ARHGAP15: variants seen among roughly 807,000 people sequenced by gnomAD.
The protein encoded by ARHGAP15 is Rho GTPase activating protein 15.
A neutral mutation model predicts 63.7 loss-of-function variants in ARHGAP15; 51 were observed. That is an observed-to-expected ratio of 0.80 (90% CI 0.64 to 1.01). The LOEUF (loss-of-function observed/expected upper bound fraction) is 1.01. ARHGAP15 is among the 50% of genes least tolerant of loss of function. ARHGAP15 has a pLI of 0.00. For missense variants in ARHGAP15, 560 were observed against 564.6 expected (o/e 0.99, Z 0.08); for synonymous variants, 191 against 193.8 (o/e 0.99, Z 0.12).
At chr2:143,291,382 T>A (rs1393695220) in intron 6 of ARHGAP15, among the ~76,000 whole-genome samples, 3 of 151,848 alleles carry the variant, frequency 2.0e-5, no homozygotes, top group African/African-American at 7.3e-5. Context: ...CAAACACAGT[T>A]TCTCTCCCTC....
chr2:143,441,625 T>C (rs1441268004), intron 8 of ARHGAP15, among the ~76,000 whole-genome samples: 3 of 152,230 alleles, frequency 2.0e-5, no homozygotes, highest in Admixed American at 2.0e-4. Context: ...TATGCTTTAG[T>C]AGTAATATAT....
At chr2:143,653,718 C>T (rs573363725) in intron 12 of ARHGAP15, among the ~76,000 whole-genome samples, 4 of 152,110 alleles carry the variant, frequency 2.6e-5, no homozygotes, top group Admixed American at 6.5e-5. Flanking sequence ...CATACTGGGT[C>T]GGCATTCCTT....
At chr2:143,490,032 C>T (rs1456468664) in intron 9 of ARHGAP15, among the ~76,000 whole-genome samples, 1 of 152,200 alleles carries the variant, frequency 6.6e-6, no homozygotes, top group African/African-American at 2.4e-5. Context: ...TGGAGTCTCG[C>T]TCTGTCGCCC....
chr2:143,133,976 A>G (rs1689012868), intron 1 of ARHGAP15, among the ~76,000 whole-genome samples: 1 of 152,160 alleles, frequency 6.6e-6, no homozygotes, highest in African/African-American at 2.4e-5. Flanking sequence ...TCTCTTTTTT[A>G]CAGCTGTATA....
At chr2:143,318,693 C>T (rs1009510118) in intron 6 of ARHGAP15, among the ~76,000 whole-genome samples, 5 of 151,984 alleles carry the variant, frequency 3.3e-5, no homozygotes, top group Non-Finnish European at 7.4e-5. Context: ...ATATTAAAAT[C>T]GACCTGGTAG....
chr2:143,311,001 A>G (rs1197942738), intron 6 of ARHGAP15, among the ~76,000 whole-genome samples: 1 of 152,076 alleles, frequency 6.6e-6, no homozygotes, highest in Non-Finnish European at 1.5e-5. Context: ...TCTGTTTCAA[A>G]TAGAAAAACA....
chr2:143,305,052 G>T (rs1382949064), intron 6 of ARHGAP15, among the ~76,000 whole-genome samples: 1 of 151,936 alleles, frequency 6.6e-6, no homozygotes, highest in South Asian at 2.1e-4. Context: ...CACTGCTCAC[G>T]ATAGCAAAGA....
At chr2:143,376,138 T>C (rs747178258) in intron 6 of ARHGAP15, among the ~76,000 whole-genome samples, 18 of 152,208 alleles carry the variant, frequency 1.2e-4, no homozygotes, top group Non-Finnish European at 1.9e-4. Context: ...ATATATTTCA[T>C]TATGCAACCC....
At chr2:143,445,161 T>A (rs1253317295) in intron 8 of ARHGAP15, among the ~76,000 whole-genome samples, 3 of 128,604 alleles carry the variant, frequency 2.3e-5, no homozygotes, top group South Asian at 2.8e-4. Flanking sequence ...TTATTTTTTT[T>A]TTTTTTTTTT....
intron 6 of ARHGAP15, among the ~76,000 whole-genome samples, chr2:143,302,003 G>T (rs1160963703): frequency 1.3e-5 from 2 of 151,876 alleles, no homozygotes; most frequent in Non-Finnish European, 2.9e-5. Context: ...AAAAAGTTAA[G>T]AACTTCTCTG....
At chr2:143,136,915 T>C (rs1413372401) in intron 1 of ARHGAP15, among the ~76,000 whole-genome samples, 1 of 152,060 alleles carries the variant, frequency 6.6e-6, no homozygotes, top group Non-Finnish European at 1.5e-5. Flanking sequence ...CAGAATATCT[T>C]GAATTCAATC....
chr2:143,763,330 C>T (rs550772086), intron 13 of ARHGAP15, among the ~76,000 whole-genome samples: 1 of 152,088 alleles, frequency 6.6e-6, no homozygotes, highest in Admixed American at 6.6e-5. Context: ...CGTAAGCTTC[C>T]ATTTGAATCA....
At chr2:143,249,307 T>A (rs572338667) in intron 5 of ARHGAP15, among the ~76,000 whole-genome samples, 1 of 147,410 alleles carries the variant, frequency 6.8e-6, no homozygotes, top group Non-Finnish European at 1.5e-5. Context: ...AAAAGTCTCA[T>A]AATTTACCAT....
intron 8 of ARHGAP15, among the ~76,000 whole-genome samples, chr2:143,484,207 A>T (rs1692205222): frequency 1.3e-5 from 2 of 152,006 alleles, no homozygotes; most frequent in African/African-American, 4.8e-5. Context: ...CTCTACTAAA[A>T]CCACAAAAAT....
intron 13 of ARHGAP15, among the ~76,000 whole-genome samples, chr2:143,727,057 C>T (rs994430897): frequency 6.6e-6 from 1 of 152,160 alleles, no homozygotes; most frequent in African/African-American, 2.4e-5. Context: ...CCAGCCTTTC[C>T]ACTCGGCTTG....
intron 11 of ARHGAP15, among the ~76,000 whole-genome samples, chr2:143,620,503 T>C (rs1279149505): frequency 6.6e-6 from 1 of 152,196 alleles, no homozygotes; most frequent in Non-Finnish European, 1.5e-5. Context: ...AATGTAAAAA[T>C]TACAATCTTG....
chr2:143,694,058 G>GGCTTTATACAGAATGTGCAGGAAAGTTTC (rs1683734539), intron 12 of ARHGAP15, among the ~76,000 whole-genome samples: 1 of 152,098 alleles, frequency 6.6e-6, no homozygotes, highest in African/African-American at 2.4e-5. Context: ...GTACTGCGCA[G>GGCTTTATACAGAATGTGCAGGAAAGTTTC]GCTTTATACA....
At chr2:143,478,395 T>G (rs1275896955) in intron 8 of ARHGAP15, among the ~76,000 whole-genome samples, 2 of 152,120 alleles carry the variant, frequency 1.3e-5, no homozygotes, top group Non-Finnish European at 2.9e-5. Context: ...ATTTAAGACC[T>G]TAGGTTGCAA....
At chr2:143,630,585 G>GTAGA (rs1699027053) in intron 12 of ARHGAP15, among the ~76,000 whole-genome samples, 1 of 151,916 alleles carries the variant, frequency 6.6e-6, no homozygotes, top group African/African-American at 2.4e-5. Context: ...TATCAACTAT[G>GTAGA]GATAATATCT....
Sources: gnomAD v4.1 joint callset for allele counts (sites outside exome capture counted in the v4.1 genomes callset) on GRCh38, gnomAD v4.1.1 for gene constraint, MANE v1.5 for transcripts, NCBI Gene and HGNC (gene_info 2026-07-23, HGNC 2026-07-21) for gene names.